Variants in TRIM44 observed in about 807,000 individuals in gnomAD.
The protein encoded by TRIM44 is tripartite motif containing 44.
In TRIM44, 13 loss-of-function variants were observed where a neutral mutation model predicts 37.4. That is an observed-to-expected ratio of 0.35 (90% CI 0.23 to 0.55). The LOEUF is 0.55. TRIM44 is among the 20% of genes least tolerant of loss of function. The pLI, the probability that TRIM44 is intolerant of heterozygous loss-of-function variation, is 0.89. For missense variants in TRIM44, 426 were observed against 437.2 expected (o/e 0.97, Z 0.23); for synonymous variants, 175 against 157.2 (o/e 1.11, Z -0.85).
rs1159897099 is a variant in TRIM44, at chr11:35,708,355, G to A, written c.748-17569G>A. ...CATTATGGAAGTCAGTGAGTGTGGC[G>A]ATTCCTCAGGGATCTAGAACTAGAA... On this transcript the variant is annotated intron_variant, in intron 2 of 4. Transcript: ENST00000299413. Among the ~76,000 whole-genome samples the A allele has an allele frequency of 1.9e-4, 29 of 151,370 alleles. No individual in the cohort carries two copies. The East Asian group carries it at 5.3e-3, about 28-fold the overall frequency.
intron 3 of TRIM44, among the ~76,000 whole-genome samples, chr11:35,732,002 A>G (rs968460146): frequency 3.9e-5 from 6 of 152,174 alleles, no homozygotes; most frequent in African/African-American, 1.2e-4. Context: ...GGGTGATACC[A>G]TTCAAAGCAA....
At chr11:35,789,871 C>T (rs747274509) in intron 4 of TRIM44, among the ~76,000 whole-genome samples, 6 of 151,000 alleles carry the variant, frequency 4.0e-5, no homozygotes, top group South Asian at 2.1e-4. Context: ...TGAAATCAAT[C>T]GTAAATACGA....
At chr11:35,794,455 G>A (rs1472064612) in intron 4 of TRIM44, among the ~76,000 whole-genome samples, 2 of 152,210 alleles carry the variant, frequency 1.3e-5, no homozygotes, top group Admixed American at 1.3e-4. Flanking sequence ...GTTTAGGGAA[G>A]GCTGGATATG....
intron 4 of TRIM44, among the ~76,000 whole-genome samples, chr11:35,797,840 G>C (rs1853313523): frequency 6.6e-6 from 1 of 152,194 alleles, no homozygotes; most frequent in African/African-American, 2.4e-5. Flanking sequence ...AGGGACTTTA[G>C]GGAAAAACTA....
intron 4 of TRIM44, among the ~76,000 whole-genome samples, chr11:35,801,480 C>A (rs1353622273): frequency 6.6e-6 from 1 of 152,212 alleles, no homozygotes; most frequent in African/African-American, 2.4e-5. Context: ...GTCAGAATGC[C>A]TGCTACCTGA....
intron 4 of TRIM44, among the ~76,000 whole-genome samples, chr11:35,800,006 T>A (rs1336624542): frequency 6.6e-6 from 1 of 152,224 alleles, no homozygotes; most frequent in Non-Finnish European, 1.5e-5. Flanking sequence ...CTGCACTAGG[T>A]AATGATCAGG....
intron 4 of TRIM44, among the ~76,000 whole-genome samples, chr11:35,801,340 C>T (rs537921153): frequency 1.8e-4 from 27 of 152,344 alleles, no homozygotes; most frequent in African/African-American, 5.1e-4. Flanking sequence ...CCACCATCCT[C>T]CTGAGTTAAA....
intron 2 of TRIM44, among the ~76,000 whole-genome samples, chr11:35,712,156 G>A (rs1851982648): frequency 6.6e-6 from 1 of 152,092 alleles, no homozygotes; most frequent in Non-Finnish European, 1.5e-5. Context: ...TCTGTTGCCT[G>A]TTCAAGTCAA....
At chr11:35,697,629 G>A (rs1400711763) in intron 2 of TRIM44, among the ~76,000 whole-genome samples, 1 of 151,202 alleles carries the variant, frequency 6.6e-6, no homozygotes, top group African/African-American at 2.4e-5. Flanking sequence ...ACAGTCCCCA[G>A]AGTGTGATGT....
chr11:35,663,391 G>C lies in TRIM44; in HGVS notation c.280G>C (p.Glu94Gln). ...KVEQEREIES[E>Q]AGEESESEEE... ...GGAGCAGGAGAGGGAGATAGAAAGC[G>C]AGGCAGGGGAAGAGAGTGAGTCGGA... The change falls in exon 1 of 5, where the codon GAG (glutamate) becomes CAG (glutamine). Residue 94 changes from glutamate (E) to glutamine (Q), a missense_variant. Physicochemically the swap from Glu to Gln is conservative, Grantham distance 29. Around this residue, in one of 2 missense-constraint regions of TRIM44, gnomAD observed 331 missense variants for 303.0 expected, o/e 1.09. Coordinates refer to ENST00000299413, the MANE Select transcript of TRIM44 (RefSeq NM_017583.6). The C allele has an allele frequency of 6.2e-7, 1 of 1,604,374 alleles. No individual in the cohort carries two copies. Among genetic ancestry groups the C allele is most frequent in the Non-Finnish European group, 8.5e-7 (1 of 1,174,934 alleles).
At chr11:35,761,608 G>C (rs1052707468) in intron 4 of TRIM44, among the ~76,000 whole-genome samples, 52 of 152,154 alleles carry the variant, frequency 3.4e-4, no homozygotes, top group Admixed American at 2.0e-4. Context: ...CATAGGGGTA[G>C]AGTAGATACT....
chr11:35,682,125 G>C (rs922517824), intron 1 of TRIM44, among the ~76,000 whole-genome samples: 7 of 151,508 alleles, frequency 4.6e-5, no homozygotes, highest in Non-Finnish European at 8.8e-5. Context: ...GACCCCTCCT[G>C]TAGCCATGCC....
chr11:35,719,439 G>T (rs1029792228), intron 2 of TRIM44, among the ~76,000 whole-genome samples: 1 of 151,892 alleles, frequency 6.6e-6, no homozygotes, highest in African/African-American at 2.4e-5. Flanking sequence ...AGTGTTTATG[G>T]TTCTTAGTAT....
At chr11:35,671,302 TAGGCA>T (rs1227038853) in intron 1 of TRIM44, among the ~76,000 whole-genome samples, 1 of 152,150 alleles carries the variant, frequency 6.6e-6, no homozygotes, top group African/African-American at 2.4e-5. Context: ...TTTTTGACCT[TAGGCA>T]AGTTATGTTA....
intron 2 of TRIM44, among the ~76,000 whole-genome samples, chr11:35,696,992 C>T (rs1013494138): frequency 3.3e-5 from 5 of 152,032 alleles, no homozygotes; most frequent in Non-Finnish European, 5.9e-5. Context: ...TAATGTCAAC[C>T]GCAATTTATA....
At chr11:35,775,214 T>G (rs964305235) in intron 4 of TRIM44, among the ~76,000 whole-genome samples, 19 of 152,326 alleles carry the variant, frequency 1.2e-4, no homozygotes, top group South Asian at 4.1e-4. Context: ...CCTAGGTATT[T>G]TATTCTCTTT....
At position 35,808,224 on chromosome 11, in the gene TRIM44, A is replaced by AAAAAAAG. The variant is rs1853480435; in HGVS notation, c.*1840_*1841insAAAAAGA. 1 of 151,162 alleles carries AAAAAAAG rather than the reference A, an allele frequency of 6.6e-6. No individual in the cohort carries two copies. Among genetic ancestry groups the AAAAAAAG allele is most frequent in the African/African-American group, 2.4e-5 (1 of 41,124 alleles). The allele number at this position is 151,162 out of a possible 1,614,324, so 9.4% of individuals were successfully genotyped here. A position where few individuals can be genotyped will look rare whatever the true frequency, so the allele number is the denominator to read the frequency against. ...TGAGGTGTTAAAAAAAAAAAAAAAA[A>AAAAAAAG]AGCATTTTTCTCTCAAACTGATGGC... is the stretch of plus-strand genomic sequence containing the variant. On this transcript the variant is annotated 3_prime_UTR_variant, in exon 5 of 5. Transcript: ENST00000299413.
chr11:35,704,074 T>G lies in TRIM44; in HGVS notation c.747+18738T>G, dbSNP rs529426736. 1.8e-3 allele frequency among the ~76,000 whole-genome samples: 281 copies of G among 152,232 alleles called. 2 individuals carry two copies. The highest frequency in any genetic ancestry group is 6.5e-3 in the African/African-American group (270 of 41,532). On this transcript the variant is annotated intron_variant, in intron 2 of 4. Transcript: ENST00000299413. ...ACAGAGAAGTGCTTAAAGGAGCTGA[T>G]GGAGCTGAAAGCCAAGGCTCGAGAA...
rs772582362 is a variant in TRIM44 at position 35,813,810 on chromosome 11, C to T, written c.*7425C>T. On this transcript the variant is annotated 3_prime_UTR_variant, in exon 5 of 5. Coordinates refer to ENST00000299413, the MANE Select transcript of TRIM44 (RefSeq NM_017583.6). The stretch of plus-strand genomic sequence containing the variant: ...ACTTTTAGGAATTAAAAGGAATAAA[C>T]CTTTGACCATCCAGAATATTTAGCT... The T allele has an allele frequency of 6.6e-6, 1 of 151,914 alleles. No homozygotes were observed. The highest frequency in any genetic ancestry group is 1.5e-5 in the Non-Finnish European group (1 of 67,950). The allele number at this position is 151,914 out of a possible 1,614,324, so 9.4% of individuals were successfully genotyped here.
Sources: gnomAD v4.1 joint callset for allele counts (sites outside exome capture counted in the v4.1 genomes callset) on GRCh38, gnomAD v4.1.1 for gene constraint, gnomAD v4.1.1 regional missense constraint, MANE v1.5 for transcripts, NCBI Gene and HGNC (gene_info 2026-07-23, HGNC 2026-07-21) for gene names.